ZFHX3: variants seen among roughly 807,000 people sequenced by gnomAD.
ZFHX3 encodes zinc finger homeobox protein 3.
A neutral mutation model predicts 279.1 loss-of-function variants in ZFHX3; 42 were observed. The observed-to-expected ratio is 0.15, with a 90% CI of 0.12 to 0.19. The LOEUF (loss-of-function observed/expected upper bound fraction) is 0.19, where lower values mean the gene tolerates loss of function less well. Ranked by LOEUF, ZFHX3 falls within the 10% of genes least tolerant of loss-of-function variation. The pLI is 1.00. For synonymous variants in ZFHX3, 2,293 were observed against 1,957.8 expected (o/e 1.17, Z -4.52); for missense variants, 4,981 against 4,754.0 (o/e 1.05, Z -1.40).
In ZFHX3 at chr16:72,800,078, C is replaced by T. The variant is rs1412084286; in HGVS notation, c.3916G>A (p.Val1306Ile). 1.2e-5 allele frequency: 19 copies of T among 1,614,192 alleles called. No individual in the cohort carries two copies. Among genetic ancestry groups the T allele is most frequent in the Non-Finnish European group, 1.5e-5 (18 of 1,180,036 alleles). Residue 1306 changes from valine (V) to isoleucine (I), a missense_variant, in exon 8 of 10, where the codon GTT becomes ATT. Physicochemically the swap from Val to Ile is conservative, Grantham distance 29 (BLOSUM62 3). Transcript: ENST00000268489. ...MPSSMFLPAA[V>I]PDRDGNSNLE... is the part of the protein sequence containing the mutation. ...TTGGAATTCCCATCTCGATCTGGAA[C>T]AGCTGCTGGGAGGAACATGCTGCTT...
At chr16:73,614,408 C>A (rs559868397) in intron 2 of ZFHX3, among the ~76,000 whole-genome samples, 4 of 152,180 alleles carry the variant, frequency 2.6e-5, no homozygotes, top group Non-Finnish European at 5.9e-5. Flanking sequence ...TCATTTCTTT[C>A]TCTTGTTGGT....
intron 2 of ZFHX3, among the ~76,000 whole-genome samples, chr16:73,633,339 C>G (rs2052495164): frequency 6.6e-6 from 1 of 152,144 alleles, no homozygotes; most frequent in Non-Finnish European, 1.5e-5. Context: ...CCACAAGTCA[C>G]CATAGAAATT....
At chr16:73,537,483 A>C (rs2017004) in intron 2 of ZFHX3, among the ~76,000 whole-genome samples, 2,956 of 151,996 alleles carry the variant, frequency 0.019, 69 homozygotes, top group East Asian at 0.059. Flanking sequence ...CGCCCGGCTA[A>C]TTGTTTGTAT....
chr16:73,598,400 T>C (rs1375084856), intron 2 of ZFHX3, among the ~76,000 whole-genome samples: 1 of 152,006 alleles, frequency 6.6e-6, no homozygotes, highest in South Asian at 2.1e-4. Context: ...CACACTGTGA[T>C]ACTAGAATAC....
At chr16:73,020,508 A>G (rs1964261138) in intron 1 of ZFHX3, among the ~76,000 whole-genome samples, 1 of 152,240 alleles carries the variant, frequency 6.6e-6, no homozygotes, top group Non-Finnish European at 1.5e-5. Flanking sequence ...AAATACACAG[A>G]AAACGGGCAA....
chr16:72,859,830 C>T (rs1269544754), intron 4 of ZFHX3, among the ~76,000 whole-genome samples: 2 of 152,094 alleles, frequency 1.3e-5, no homozygotes, highest in South Asian at 2.1e-4. Context: ...TGGGCCACTC[C>T]GTGTTCATAT....
chr16:73,538,647 C>T (rs574583315), intron 2 of ZFHX3, among the ~76,000 whole-genome samples: 42 of 152,228 alleles, frequency 2.8e-4, no homozygotes, highest in African/African-American at 9.6e-4. Flanking sequence ...TCGTTTCTTG[C>T]GCAGCCCCTA....
intron 4 of ZFHX3, among the ~76,000 whole-genome samples, chr16:73,292,773 G>T (rs1368942787): frequency 6.6e-6 from 1 of 152,080 alleles, no homozygotes; most frequent in Non-Finnish European, 1.5e-5. Context: ...CATGGTGAGG[G>T]GTGGCCTCTT....
chr16:73,496,551 A>T (rs1406499127), intron 2 of ZFHX3, among the ~76,000 whole-genome samples: 1 of 152,132 alleles, frequency 6.6e-6, no homozygotes, highest in Non-Finnish European at 1.5e-5. Flanking sequence ...ACAAAAAAGA[A>T]ACACATTTTT....
chr16:73,535,964 C>T (rs186684345), intron 2 of ZFHX3, among the ~76,000 whole-genome samples: 57 of 152,108 alleles, frequency 3.7e-4, no homozygotes, highest in Middle Eastern at 3.4e-3. Context: ...CCTCAGGATC[C>T]GCCCGCCTCA....
intron 1 of ZFHX3, among the ~76,000 whole-genome samples, chr16:73,054,304 C>T (rs1163134255): frequency 6.6e-6 from 1 of 152,110 alleles, no homozygotes; most frequent in African/African-American, 2.4e-5. Context: ...AGTGGGCTCG[C>T]AGGGGACAGG....
chr16:72,812,237 C>T (rs2036478247), intron 5 of ZFHX3, among the ~76,000 whole-genome samples, 199 bp from the exon 6 acceptor site: 1 of 152,184 alleles, frequency 6.6e-6, no homozygotes, highest in Non-Finnish European at 1.5e-5. Context: ...CCATGAATTT[C>T]TGTCACTACT....
chr16:73,152,718 T>C (rs1188259535), intron 5 of ZFHX3, among the ~76,000 whole-genome samples: 1 of 127,204 alleles, frequency 7.9e-6, no homozygotes, highest in African/African-American at 3.0e-5. Flanking sequence ...TAGGATGCTA[T>C]AGGAAAATGA....
At chr16:73,291,508 C>T (rs2014770041) in intron 4 of ZFHX3, among the ~76,000 whole-genome samples, 1 of 152,194 alleles carries the variant, frequency 6.6e-6, no homozygotes, top group South Asian at 2.1e-4. Flanking sequence ...GAGACAAACA[C>T]TAATTTTTAC....
At chr16:72,997,006 G>C (rs1254796383) in intron 1 of ZFHX3, among the ~76,000 whole-genome samples, 1 of 152,186 alleles carries the variant, frequency 6.6e-6, no homozygotes, top group African/African-American at 2.4e-5. Flanking sequence ...CAGCTTCTGG[G>C]CAGAAGCGCA....
chr16:72,969,836 T>C (rs530229292), intron 1 of ZFHX3, among the ~76,000 whole-genome samples: 1 of 152,318 alleles, frequency 6.6e-6, no homozygotes, highest in Non-Finnish European at 1.5e-5. Context: ...AAGCCATACA[T>C]AGGTGATTCC....
intron 5 of ZFHX3, among the ~76,000 whole-genome samples, chr16:73,161,618 G>A (rs185566493): frequency 4.3e-4 from 66 of 152,238 alleles, no homozygotes; most frequent in African/African-American, 1.6e-3. Context: ...TCCTGCATTA[G>A]CATGATGAGA....
chr16:73,868,081 T>A (rs1473998145), intron 1 of ZFHX3, among the ~76,000 whole-genome samples: 2 of 152,234 alleles, frequency 1.3e-5, no homozygotes, highest in Non-Finnish European at 2.9e-5. Flanking sequence ...TTGATGCTTT[T>A]TGTTCTTCTT....
chr16:72,803,431 A>C (rs2143517335), intron 7 of ZFHX3, among the ~76,000 whole-genome samples: 1 of 152,296 alleles, frequency 6.6e-6, no homozygotes. Context: ...ATGAGAAGAC[A>C]AAACCTGGTT....
Sources: allele counts gnomAD v4.1 joint callset (sites outside exome capture counted in the v4.1 genomes callset), GRCh38; gene constraint gnomAD v4.1.1; transcripts MANE v1.5; gene names NCBI Gene and HGNC (gene_info 2026-07-23, HGNC 2026-07-21).